Variants in CDK13 observed in about 807,000 individuals in gnomAD.
CDK13 encodes cyclin-dependent kinase 13.
Under a neutral mutation model 137.6 loss-of-function variants are expected in CDK13, and 40 were observed. The ratio of observed to expected loss-of-function variants is 0.29; its 90% CI spans 0.23 to 0.38. The LOEUF (loss-of-function observed/expected upper bound fraction) is 0.38, where lower values mean the gene tolerates loss of function less well. Ranked by LOEUF, CDK13 falls within the 10% of genes least tolerant of loss-of-function variation. The probability of loss-of-function intolerance (pLI) is 1.00; values close to 1 mark genes in which losing one functional copy is unlikely to be tolerated. For missense variants in CDK13, 1,704 were observed against 1,951.8 expected (o/e 0.87, Z 2.39); for synonymous variants, 869 against 760.1 (o/e 1.14, Z -2.36).
intron 1 of CDK13, among the ~76,000 whole-genome samples, chr7:39,965,271 C>T (rs1783842483): frequency 6.6e-6 from 1 of 152,100 alleles, no homozygotes; most frequent in Admixed American, 6.6e-5. Flanking sequence ...CTTTGTAGGT[C>T]TCTAAGGACT....
chr7:40,071,912 T>A (rs560274814), intron 9 of CDK13: 1 of 152,310 alleles, frequency 6.6e-6, no homozygotes, highest in African/African-American at 2.4e-5. Flanking sequence ...GACTGTAGTT[T>A]GTTAGTTTTC....
rs568947203 is a variant in CDK13, at chr7:39,959,183, C to CT, written c.1211+7344dup. Among the ~76,000 whole-genome samples, 220 of 144,056 alleles carry CT rather than the reference C, an allele frequency of 1.5e-3. 1 individual carries two copies. The highest frequency in any genetic ancestry group is 4.0e-3 in the South Asian group (18 of 4,524). 94.5% of individuals were successfully genotyped at this position (144,056 alleles called of 152,430 possible). A position where few individuals can be genotyped will look rare whatever the true frequency, so the allele number is the denominator to read the frequency against. On this transcript the variant is annotated intron_variant, in intron 1 of 13. Coordinates refer to ENST00000181839, the MANE Select transcript of CDK13 (RefSeq NM_003718.5). The stretch of plus-strand genomic sequence containing the variant: ...GTTTACTGGATATTTTAATTTCTTT[C>CT]TTTTTTTTTTTTTGCTCTTGTTGCC...
intron 5 of CDK13, among the ~76,000 whole-genome samples, chr7:40,002,526 A>G (rs1354433469): frequency 6.6e-6 from 1 of 152,210 alleles, no homozygotes. Context: ...ACAAAAAATT[A>G]GCCTGCTTAT....
At chr7:40,039,981 A>T in intron 5 of CDK13, among the ~76,000 whole-genome samples, 1 of 151,970 alleles carries the variant, frequency 6.6e-6, no homozygotes, top group South Asian at 2.1e-4. Flanking sequence ...ATAGTTCTTT[A>T]AAAAAATTTA....
Position 39,987,998 on chromosome 7 carries a change from A to G in CDK13, c.1611A>G (p.Ala537=), listed in dbSNP as rs1784376712. The part of the protein sequence containing the change: ...SSGGTLKNDK[A]KTKPPLQVTK... ...GTGGAACTTTAAAAAATGACAAAGCAAAAACAAAGCCACCTCTTCAGGTAA... is the reference window on the plus strand; with the variant it reads ...GTGGAACTTTAAAAAATGACAAAGCGAAAACAAAGCCACCTCTTCAGGTAA... Residue 537 remains alanine, a synonymous_variant, in exon 2 of 14, where the codon GCA becomes GCG. Coordinates refer to ENST00000181839, the MANE Select transcript of CDK13 (RefSeq NM_003718.5). 1.9e-6 allele frequency: 3 copies of G among 1,614,032 alleles called. No homozygotes were observed. Among genetic ancestry groups the G allele is most frequent in the Non-Finnish European group, 2.5e-6 (3 of 1,179,998 alleles).
intron 7 of CDK13, among the ~76,000 whole-genome samples, chr7:40,049,957 A>T (rs1297857121): frequency 6.6e-6 from 1 of 152,020 alleles, no homozygotes; most frequent in Admixed American, 6.6e-5. Flanking sequence ...TTGTGCGTAT[A>T]TGCCACATTT....
chr7:40,049,649 G>A (rs868605814), intron 7 of CDK13, among the ~76,000 whole-genome samples: 4 of 152,014 alleles, frequency 2.6e-5, no homozygotes, highest in East Asian at 1.9e-4. Context: ...TTGTTATTAA[G>A]TGTAGCTGCC....
At position 40,095,707 on chromosome 7, in the gene CDK13, T is replaced by C. The variant is rs376717354; in HGVS notation, c.*727T>C. 1.2e-4 allele frequency: 18 copies of C among 152,046 alleles called. No individual in the cohort carries two copies. Among genetic ancestry groups the C allele is most frequent in the African/African-American group, 3.9e-4 (16 of 41,492 alleles). 9.4% of individuals were successfully genotyped at this position (152,046 alleles called of 1,614,324 possible). On this transcript the variant is annotated 3_prime_UTR_variant, in exon 14 of 14. Transcript: ENST00000181839. ...AGGTAAGCTTAAGGTCTGAAAAAAA[T>C]AGTTAACTTTTACCCCCATTTGTCT...
At chr7:40,053,486 A>C (rs1785939488) in intron 7 of CDK13, among the ~76,000 whole-genome samples, 1 of 152,130 alleles carries the variant, frequency 6.6e-6, no homozygotes. Context: ...AGCAATGTTG[A>C]ACTATTTGTA....
intron 1 of CDK13, among the ~76,000 whole-genome samples, chr7:39,966,432 G>A (rs1783872576): frequency 6.6e-6 from 1 of 152,182 alleles, no homozygotes; most frequent in African/African-American, 2.4e-5. Flanking sequence ...TCATCACGTA[G>A]TTCTTGTGCC....
At chr7:40,052,120 A>G (rs1401953315) in intron 7 of CDK13, among the ~76,000 whole-genome samples, 3 of 152,176 alleles carry the variant, frequency 2.0e-5, no homozygotes, top group East Asian at 3.8e-4. Flanking sequence ...AAAGTTTTCC[A>G]TATTAATTGA....
intron 1 of CDK13, among the ~76,000 whole-genome samples, chr7:39,958,689 T>C (rs1324986046): frequency 6.6e-6 from 1 of 151,952 alleles, no homozygotes; most frequent in Non-Finnish European, 1.5e-5. Context: ...AAATTCTTAG[T>C]TTTGTTTTTT....
chr7:40,008,000 TC>T (rs1291468446), intron 5 of CDK13, among the ~76,000 whole-genome samples: 1 of 152,216 alleles, frequency 6.6e-6, no homozygotes, highest in African/African-American at 2.4e-5. Context: ...CAATGAAAGA[TC>T]GGCATATCTC....
intron 1 of CDK13, among the ~76,000 whole-genome samples, chr7:39,973,019 T>C (rs999971854): frequency 6.6e-6 from 1 of 152,236 alleles, no homozygotes; most frequent in East Asian, 1.9e-4. Context: ...TTGGTTTAGA[T>C]TTGCATTTCT....
At chr7:40,040,058 ATGG>A (rs1186907250) in intron 5 of CDK13, among the ~76,000 whole-genome samples, 1 of 147,978 alleles carries the variant, frequency 6.8e-6, no homozygotes, top group African/African-American at 2.5e-5. Flanking sequence ...TTCATCCAGG[ATGG>A]ATTGCAATGG....
intron 5 of CDK13, among the ~76,000 whole-genome samples, chr7:40,004,631 G>A (rs980636499): frequency 6.6e-5 from 10 of 152,210 alleles, no homozygotes; most frequent in Admixed American, 3.9e-4. Context: ...TTGCCATGCT[G>A]TGTGGTATTA....
intron 2 of CDK13, among the ~76,000 whole-genome samples, chr7:39,994,011 T>C (rs1428876283): frequency 1.3e-5 from 2 of 152,070 alleles, no homozygotes; most frequent in Non-Finnish European, 2.9e-5. Context: ...TGAATGTTTA[T>C]TGGTTGTTTA....
At chr7:40,058,257 C>G (rs993243362) in intron 7 of CDK13, among the ~76,000 whole-genome samples, 1 of 152,200 alleles carries the variant, frequency 6.6e-6, no homozygotes, top group Non-Finnish European at 1.5e-5. Context: ...AGGTAAGATC[C>G]TTGCTGTACA....
intron 9 of CDK13, among the ~76,000 whole-genome samples, chr7:40,076,159 A>G (rs552834254): frequency 5.3e-5 from 8 of 152,132 alleles, no homozygotes; most frequent in African/African-American, 1.9e-4. Flanking sequence ...TTATACTTCT[A>G]TTATAGTGCA....
Sources: gnomAD v4.1 joint callset for allele counts (sites outside exome capture counted in the v4.1 genomes callset) on GRCh38, gnomAD v4.1.1 for gene constraint, MANE v1.5 for transcripts, NCBI Gene and HGNC (gene_info 2026-07-23, HGNC 2026-07-21) for gene names.